Variants in CNTNAP2 observed in about 807,000 individuals in gnomAD.
CNTNAP2 encodes the protein contactin-associated protein-like 2.
Under a neutral mutation model 155.2 loss-of-function variants are expected in CNTNAP2, and 98 were observed. That is an observed-to-expected ratio of 0.63 (90% CI 0.54 to 0.75). The LOEUF (loss-of-function observed/expected upper bound fraction) is 0.75, where lower values mean the gene tolerates loss of function less well. Ranked by LOEUF, CNTNAP2 falls within the 30% of genes least tolerant of loss-of-function variation. The probability of loss-of-function intolerance (pLI) is 0.00; values close to 1 mark genes in which losing one functional copy is unlikely to be tolerated. For missense variants in CNTNAP2, 1,727 were observed against 1,688.1 expected, an observed-to-expected ratio of 1.02 and a Z score of -0.40; for synonymous variants, 651 against 631.2, an observed-to-expected ratio of 1.03 and a Z score of -0.47.
At chr7:146,553,792 T>G (rs1798155969) in intron 1 of CNTNAP2, among the ~76,000 whole-genome samples, 1 of 152,126 alleles carries the variant, frequency 6.6e-6, no homozygotes, top group Non-Finnish European at 1.5e-5. Flanking sequence ...AAAAAATACA[T>G]TCATACGTAA....
chr7:146,924,148 T>C (rs1336154314), intron 3 of CNTNAP2, among the ~76,000 whole-genome samples: 3 of 152,008 alleles, frequency 2.0e-5, no homozygotes, highest in African/African-American at 7.2e-5. Flanking sequence ...CAATAGTGGG[T>C]TCCACAGAGT....
At chr7:147,140,715 G>C (rs2129287203) in intron 8 of CNTNAP2, among the ~76,000 whole-genome samples, 1 of 152,186 alleles carries the variant, frequency 6.6e-6, no homozygotes, top group Non-Finnish European at 1.5e-5. Context: ...GTTGAGCACA[G>C]CTTGTCAGCT....
rs72421450 is a variant in CNTNAP2 at position 147,529,540 on chromosome 7, GT to G, written c.1778-32588del. On this transcript the variant is annotated intron_variant, in intron 11 of 23. Coordinates refer to ENST00000361727, the MANE Select transcript of CNTNAP2 (RefSeq NM_014141.6). ...ATTTCCAGAGCAAAGTAACAATGCT[GT>G]TTTTTTTTTGGTTTCTATTTTCTTG... 9.1e-3 allele frequency among the ~76,000 whole-genome samples: 1,336 copies of G among 147,474 alleles called. 20 individuals are homozygous for G. Among genetic ancestry groups the G allele is most frequent in the African/African-American group, 0.03 (1,190 of 40,302 alleles).
At chr7:148,172,037 C>T (rs1252159290) in intron 17 of CNTNAP2, among the ~76,000 whole-genome samples, 2 of 152,198 alleles carry the variant, frequency 1.3e-5, no homozygotes, top group African/African-American at 4.8e-5. Flanking sequence ...CGTGTTGCTT[C>T]TCAGAAGATG....
chr7:146,916,323 C>G (rs34714166), intron 3 of CNTNAP2, among the ~76,000 whole-genome samples: 41,753 of 152,004 alleles, frequency 0.27, 7,039 homozygotes, highest in Non-Finnish European at 0.37. Context: ...TAGAGTGATA[C>G]TGGATTCAAA....
intron 8 of CNTNAP2, among the ~76,000 whole-genome samples, chr7:147,298,530 T>A (rs902848001): frequency 3.9e-5 from 6 of 152,214 alleles, no homozygotes; most frequent in Admixed American, 3.9e-4. Context: ...ATACTTACTA[T>A]GAGTAACTAC....
intron 1 of CNTNAP2, among the ~76,000 whole-genome samples, chr7:146,589,757 C>T (rs767310119): frequency 6.6e-6 from 1 of 151,294 alleles, no homozygotes; most frequent in South Asian, 2.1e-4. Context: ...AAAAAAAAGC[C>T]CCCAAATATA....
chr7:146,702,672 G>A (rs1800897212), intron 1 of CNTNAP2, among the ~76,000 whole-genome samples: 1 of 151,968 alleles, frequency 6.6e-6, no homozygotes, highest in South Asian at 2.1e-4. Context: ...TTTATTAGAT[G>A]GCACAGCCCA....
At chr7:147,672,375 A>G (rs1305945871) in intron 13 of CNTNAP2, 1 of 152,204 alleles carries the variant, frequency 6.6e-6, no homozygotes, top group Non-Finnish European at 1.5e-5. Flanking sequence ...TTTAGATCCA[A>G]TATTAGAATA....
chr7:147,892,668 G>C (rs1263397507), intron 13 of CNTNAP2, among the ~76,000 whole-genome samples: 1 of 152,150 alleles, frequency 6.6e-6, no homozygotes, highest in Non-Finnish European at 1.5e-5. Flanking sequence ...ATCAAATTCT[G>C]CTCAGTGGAA....
At chr7:146,847,437 A>G (rs1794775493) in intron 3 of CNTNAP2, among the ~76,000 whole-genome samples, 1 of 152,100 alleles carries the variant, frequency 6.6e-6, no homozygotes, top group South Asian at 2.1e-4. Context: ...AAAGTTCCCA[A>G]CCTGTAAAAT....
chr7:146,343,187 A>C (rs903249883), intron 1 of CNTNAP2, among the ~76,000 whole-genome samples: 5 of 152,146 alleles, frequency 3.3e-5, no homozygotes, highest in Admixed American at 6.6e-5. Context: ...AAAGATGAAC[A>C]ACAAATTTTA....
intron 1 of CNTNAP2, among the ~76,000 whole-genome samples, chr7:146,420,640 T>G (rs1795998481): frequency 6.6e-6 from 1 of 152,104 alleles, no homozygotes; most frequent in Non-Finnish European, 1.5e-5. Context: ...TCTACAACAG[T>G]CCTTGTAGGT....
intron 1 of CNTNAP2, among the ~76,000 whole-genome samples, chr7:146,304,570 T>G (rs1800673513): frequency 1.3e-5 from 2 of 152,128 alleles, no homozygotes; most frequent in African/African-American, 4.8e-5. Flanking sequence ...TTGGAAACTC[T>G]TTTCTTTAAG....
intron 1 of CNTNAP2, among the ~76,000 whole-genome samples, chr7:146,711,699 A>T (rs1022078196): frequency 2.1e-5 from 3 of 146,204 alleles, no homozygotes; most frequent in African/African-American, 7.4e-5. Context: ...TACATATCTT[A>T]TGTATACATA....
intron 3 of CNTNAP2, among the ~76,000 whole-genome samples, chr7:146,907,968 A>G (rs1796176710): frequency 6.6e-6 from 1 of 152,206 alleles, no homozygotes. Context: ...CTACCAAGCA[A>G]ATAGAAAACT....
At chr7:146,927,313 C>T (rs949992868) in intron 3 of CNTNAP2, among the ~76,000 whole-genome samples, 12 of 152,020 alleles carry the variant, frequency 7.9e-5, no homozygotes, top group Admixed American at 7.2e-4. Context: ...ACTGTATTTG[C>T]TGAAAGAGGT....
intron 13 of CNTNAP2, among the ~76,000 whole-genome samples, chr7:147,825,408 T>C (rs1392303826): frequency 6.6e-6 from 1 of 152,200 alleles, no homozygotes; most frequent in African/African-American, 2.4e-5. Flanking sequence ...TACCTTATTT[T>C]ACAACTTCAA....
At chr7:146,195,316 A>G (rs2116858249) in intron 1 of CNTNAP2, among the ~76,000 whole-genome samples, 1 of 152,346 alleles carries the variant, frequency 6.6e-6, no homozygotes, top group East Asian at 1.9e-4. Flanking sequence ...AGCAGACAGT[A>G]AATAAAGTTG....
Sources: allele counts gnomAD v4.1 joint callset (sites outside exome capture counted in the v4.1 genomes callset), GRCh38; gene constraint gnomAD v4.1.1; transcripts MANE v1.5; gene names NCBI Gene and HGNC (gene_info 2026-07-23, HGNC 2026-07-21).